Variants in ATP8B4 observed in about 807,000 individuals in gnomAD.
ATP8B4 encodes ATPase phospholipid transporting 8B4 (putative), also known as probable phospholipid-transporting ATPase IM.
A neutral mutation model predicts 145.6 loss-of-function variants in ATP8B4; 133 were observed. The observed-to-expected ratio is 0.91, with a 90% CI of 0.79 to 1.05. The LOEUF is 1.05. Ranked by LOEUF, ATP8B4 falls within the 50% of genes least tolerant of loss-of-function variation. ATP8B4 has a pLI of 0.00. For synonymous variants in ATP8B4, 507 were observed against 492.9 expected (o/e 1.03, Z -0.38); for missense variants, 1,458 against 1,425.2 (o/e 1.02, Z -0.37).
At chr15:49,874,665 A>T (rs1256439731) in intron 25 of ATP8B4, among the ~76,000 whole-genome samples, 2 of 152,208 alleles carry the variant, frequency 1.3e-5, no homozygotes, top group African/African-American at 4.8e-5. Flanking sequence ...TATCATTCTT[A>T]TAAAACTTGG....
At chr15:49,863,813 G>GA (rs953330088) in intron 26 of ATP8B4, among the ~76,000 whole-genome samples, 51 of 149,892 alleles carry the variant, frequency 3.4e-4, no homozygotes, top group African/African-American at 8.8e-4. Context: ...AGCTACTAAG[G>GA]AAAAAAAAAA....
intron 13 of ATP8B4, 40 bp from the exon 14 acceptor site, chr15:49,962,060 C>A: frequency 2.7e-6 from 4 of 1,466,208 alleles, no homozygotes; most frequent in South Asian, 2.5e-5. Flanking sequence ...TAAGTGAAAC[C>A]GAAATTAGAA....
chr15:49,939,063 A>C lies in ATP8B4; in HGVS notation c.1288-4881T>G, dbSNP rs2041954515. ...AATTATTTGAAATAAATGAAAACAG[A>C]GACACAACATATCAAAATCTCTGGG... On this transcript the variant is annotated intron_variant, in intron 14 of 27. Transcript: ENST00000284509. Among the ~76,000 whole-genome samples, 8 of 152,294 alleles carry C rather than the reference A, an allele frequency of 5.3e-5. No homozygotes were observed. In the South Asian group the frequency reaches 1.7e-3, roughly 32 times the overall value.
chr15:50,111,527 C>A (rs1390897321), intron 1 of ATP8B4, among the ~76,000 whole-genome samples: 1 of 152,206 alleles, frequency 6.6e-6, no homozygotes, highest in Admixed American at 6.5e-5. Flanking sequence ...CCCACTCTGG[C>A]CATAGTAAAC....
chr15:49,925,821 T>C (rs2040664483), intron 16 of ATP8B4, among the ~76,000 whole-genome samples: 1 of 152,196 alleles, frequency 6.6e-6, no homozygotes, highest in South Asian at 2.1e-4. Context: ...TTATATCTCT[T>C]TTCTTCCAAG....
chr15:49,984,497 G>A (rs957829945), intron 10 of ATP8B4, among the ~76,000 whole-genome samples: 1 of 152,150 alleles, frequency 6.6e-6, no homozygotes. Context: ...GAGCCAGAAG[G>A]GATGAAGGGA....
At position 50,089,870 on chromosome 15, in the gene ATP8B4, C is replaced by T. The variant is rs144180967; in HGVS notation, c.29-15685G>A. 4.3e-3 allele frequency among the ~76,000 whole-genome samples: 655 copies of T among 152,110 alleles called. 2 individuals are homozygous for T. Among genetic ancestry groups the T allele is most frequent in the African/African-American group, 0.015 (635 of 41,486 alleles). On this transcript the variant is annotated intron_variant, in intron 2 of 27. Transcript: ENST00000284509. ...AGCAATCCCATTACTAGGTATATAC[C>T]CGAAGGAATATAAATCATTCTATTA...
chr15:50,058,034 C>A (rs57552801), intron 3 of ATP8B4, among the ~76,000 whole-genome samples: 1 of 152,092 alleles, frequency 6.6e-6, no homozygotes, highest in Admixed American at 6.5e-5. Flanking sequence ...CTAGCATATG[C>A]CTTCTCCAGA....
chr15:50,049,179 A>C lies in ATP8B4; in HGVS notation c.88-1715T>G, dbSNP rs1248521242. Among the ~76,000 whole-genome samples the C allele has an allele frequency of 2.0e-5, 3 of 152,188 alleles. No homozygotes were observed. The East Asian group carries it at 5.8e-4, about 29-fold the overall frequency. On this transcript the variant is annotated intron_variant, in intron 3 of 27. Coordinates refer to ENST00000284509, the MANE Select transcript of ATP8B4 (RefSeq NM_024837.4). ...TTTCTTTTCAATAAAATTTTTTGCT[A>C]TCTTTGTACTGTCTCTTGGTTGAAA...
chr15:49,944,803 T>C (rs1221505962), intron 14 of ATP8B4, among the ~76,000 whole-genome samples: 1 of 152,072 alleles, frequency 6.6e-6, no homozygotes, highest in Non-Finnish European at 1.5e-5. Context: ...CAAGAATAGA[T>C]CACATGTTAG....
intron 12 of ATP8B4, among the ~76,000 whole-genome samples, chr15:49,974,076 T>G (rs2045437101): frequency 6.9e-6 from 1 of 144,984 alleles, no homozygotes; most frequent in Admixed American, 6.9e-5. Context: ...CAATTTATCA[T>G]TTGTCTTTTT....
chr15:50,156,621 T>C (rs2044424515), intron 1 of ATP8B4, among the ~76,000 whole-genome samples: 1 of 152,142 alleles, frequency 6.6e-6, no homozygotes, highest in African/African-American at 2.4e-5. Flanking sequence ...CTTAGTAGGC[T>C]CTACGTGTTA....
intron 3 of ATP8B4, among the ~76,000 whole-genome samples, chr15:50,049,616 G>A (rs180903412): frequency 6.6e-6 from 1 of 152,260 alleles, no homozygotes; most frequent in East Asian, 1.9e-4. Context: ...GAACATACAA[G>A]TGCATGTGTC....
intron 5 of ATP8B4, among the ~76,000 whole-genome samples, chr15:50,043,039 T>C (rs2051425415): frequency 6.6e-6 from 1 of 152,210 alleles, no homozygotes; most frequent in Admixed American, 6.5e-5. Flanking sequence ...GCCTACTATA[T>C]ATGCTGTCTA....
intron 23 of ATP8B4, among the ~76,000 whole-genome samples, chr15:49,886,112 C>A (rs1458628164): frequency 6.6e-6 from 1 of 152,200 alleles, no homozygotes; most frequent in Non-Finnish European, 1.5e-5. Flanking sequence ...AGCCCTGTCT[C>A]ACTAGACTGT....
chr15:50,045,049 A>G (rs2153606539), intron 4 of ATP8B4, among the ~76,000 whole-genome samples: 1 of 152,294 alleles, frequency 6.6e-6, no homozygotes, highest in East Asian at 1.9e-4. Flanking sequence ...CCAATTCCCA[A>G]AGAGAGATTG....
At chr15:50,024,024 T>G (rs79973524) in intron 6 of ATP8B4, among the ~76,000 whole-genome samples, 4,832 of 152,190 alleles carry the variant, frequency 0.032, 262 homozygotes, top group African/African-American at 0.11. Context: ...CTATTATTTT[T>G]AAAAATATTA....
chr15:50,160,027 T>TTTTTTC (rs2044492576), intron 1 of ATP8B4, among the ~76,000 whole-genome samples: 1 of 146,048 alleles, frequency 6.8e-6, no homozygotes, highest in African/African-American at 2.5e-5. Context: ...TTTTTTTTTT[T>TTTTTTC]TTTTTTTTTT....
chr15:49,966,353 C>A (rs939759704), intron 13 of ATP8B4, among the ~76,000 whole-genome samples: 1 of 152,230 alleles, frequency 6.6e-6, no homozygotes, highest in African/African-American at 2.4e-5. Context: ...TGGAGCCCAG[C>A]AAGCTAAGAT....
Sources: gnomAD v4.1 joint callset for allele counts (sites outside exome capture counted in the v4.1 genomes callset) on GRCh38, gnomAD v4.1.1 for gene constraint, MANE v1.5 for transcripts, NCBI Gene and HGNC (gene_info 2026-07-23, HGNC 2026-07-21) for gene names.